Variants in MED27 observed in about 807,000 individuals in gnomAD.
MED27 encodes mediator of RNA polymerase II transcription subunit 27.
A neutral mutation model predicts 38.2 loss-of-function variants in MED27; 30 were observed. That is an observed-to-expected ratio of 0.79 (90% CI 0.59 to 1.07). MED27 has a LOEUF of 1.07. MED27 is among the 50% of genes least tolerant of loss of function. The probability of loss-of-function intolerance (pLI) is 0.00; values close to 1 mark genes in which losing one functional copy is unlikely to be tolerated. For missense variants in MED27, 289 were observed against 397.5 expected, an observed-to-expected ratio of 0.73 and a Z score of 2.32; for synonymous variants, 122 against 153.5, an observed-to-expected ratio of 0.79 and a Z score of 1.52.
At chr9:131,891,998 G>C (rs1339761552) in intron 5 of MED27, among the ~76,000 whole-genome samples, 5 of 152,186 alleles carry the variant, frequency 3.3e-5, no homozygotes, top group Non-Finnish European at 7.3e-5. Flanking sequence ...AAGGAAAAGA[G>C]GAGGGAAACT....
intron 4 of MED27, among the ~76,000 whole-genome samples, chr9:131,897,074 A>T (rs938903587): frequency 3.9e-5 from 6 of 152,252 alleles, no homozygotes; most frequent in Non-Finnish European, 7.3e-5. Flanking sequence ...TATGACAAGT[A>T]TTGTTCCATA....
chr9:131,917,540 T>G lies in MED27; in HGVS notation c.573+21841A>C. On this transcript the variant is annotated intron_variant, in intron 4 of 7. Coordinates refer to ENST00000292035, the MANE Select transcript of MED27 (RefSeq NM_004269.4). The surrounding 1 kb of genome is among the most constrained non-coding windows in gnomAD (Gnocchi z 4.6). ...GAGCAAGGGTTCAGACGACAGGAGA[T>G]GAGAGCAGTGAAGATGGGGTGGGGG... Among the ~76,000 whole-genome samples, 1 of 149,910 alleles carries G rather than the reference T, an allele frequency of 6.7e-6. No individual in the cohort carries two copies. Among genetic ancestry groups the G allele is most frequent in the African/African-American group, 2.5e-5 (1 of 40,680 alleles).
chr9:131,929,354 G>C (rs1363621004), intron 4 of MED27, among the ~76,000 whole-genome samples: 1 of 152,142 alleles, frequency 6.6e-6, no homozygotes, highest in Non-Finnish European at 1.5e-5. Flanking sequence ...AAAAGTAAAA[G>C]GGACTTTGCC....
rs951428962 is a variant in MED27 at position 131,962,527 on chromosome 9, T to C, written c.480-23053A>G. Among the ~76,000 whole-genome samples the C allele has an allele frequency of 8.2e-5, 12 of 145,716 alleles. No homozygotes were observed. In the East Asian group the frequency reaches 2.3e-3, roughly 27 times the overall value. ...ATGCTGGGACTACAGGTGTGAGCCA[T>C]TGTGCCTGGCGTGTGATTTTTTTTT... On this transcript the variant is annotated intron_variant, in intron 3 of 7. Coordinates refer to ENST00000292035, the MANE Select transcript of MED27 (RefSeq NM_004269.4).
chr9:131,948,050 A>G (rs771476575), intron 3 of MED27, among the ~76,000 whole-genome samples: 133 of 152,324 alleles, frequency 8.7e-4, no homozygotes, highest in Admixed American at 1.5e-3. Context: ...CTGAAACTAC[A>G]ACTATCAATC....
At chr9:132,020,869 C>T (rs1589270695) in intron 2 of MED27, among the ~76,000 whole-genome samples, 1 of 152,150 alleles carries the variant, frequency 6.6e-6, no homozygotes, top group East Asian at 1.9e-4. Context: ...GAAAAAAACA[C>T]CTTAGACTTG....
intron 3 of MED27, among the ~76,000 whole-genome samples, chr9:131,981,011 C>CA (rs200777509): frequency 6.6e-6 from 1 of 151,846 alleles, no homozygotes; most frequent in Non-Finnish European, 1.5e-5. Context: ...TTCACACACA[C>CA]AAAAAAAATT....
chr9:132,076,239 T>A (rs1834044393), intron 2 of MED27, among the ~76,000 whole-genome samples: 1 of 151,844 alleles, frequency 6.6e-6, no homozygotes, highest in Non-Finnish European at 1.5e-5. Context: ...AACATTTTAG[T>A]TCCTTGAACC....
intron 3 of MED27, among the ~76,000 whole-genome samples, chr9:131,996,906 A>T (rs1333000704): frequency 1.3e-5 from 2 of 152,210 alleles, no homozygotes; most frequent in Non-Finnish European, 2.9e-5. Flanking sequence ...TATTGTAAGA[A>T]TACAGTATGT....
chr9:131,865,645 G>A (rs553640636), intron 6 of MED27, among the ~76,000 whole-genome samples: 2 of 152,314 alleles, frequency 1.3e-5, no homozygotes, highest in African/African-American at 4.8e-5. Context: ...GTAGCTCCGT[G>A]TGTGACACCT....
At chr9:131,924,392 G>A (rs142180305) in intron 4 of MED27, among the ~76,000 whole-genome samples, 8 of 152,060 alleles carry the variant, frequency 5.3e-5, no homozygotes, top group African/African-American at 1.9e-4. Flanking sequence ...TTGGTGAATT[G>A]TCTGTTTCTT....
chr9:131,904,540 G>A (rs1358408004), intron 4 of MED27, among the ~76,000 whole-genome samples: 2 of 150,820 alleles, frequency 1.3e-5, no homozygotes, highest in South Asian at 4.2e-4. Context: ...AATAGAGATC[G>A]GGGGGGAGCG....
At chr9:131,904,559 A>G (rs1310612615) in intron 4 of MED27, among the ~76,000 whole-genome samples, 1 of 147,978 alleles carries the variant, frequency 6.8e-6, no homozygotes, top group Non-Finnish European at 1.5e-5. Context: ...CGGTCTCACT[A>G]TGTTGCCCAG....
At chr9:131,991,482 A>C (rs1394451721) in intron 3 of MED27, among the ~76,000 whole-genome samples, 1 of 152,182 alleles carries the variant, frequency 6.6e-6, no homozygotes, top group Non-Finnish European at 1.5e-5. Flanking sequence ...TCACTGTAAC[A>C]GGCAAATCTT....
In MED27 at chr9:131,910,820, T is replaced by C. The variant is rs73553008; in HGVS notation, c.574-16828A>G. ...GCTGCCTTGCATAATGTCTGCTCTG[T>C]CCTCCCCTCCTGGACTGGTGCGGAG... On this transcript the variant is annotated intron_variant, in intron 4 of 7. Transcript: ENST00000292035. Among the ~76,000 whole-genome samples the C allele has an allele frequency of 2.7e-3, 406 of 152,296 alleles. 2 individuals carry two copies. Among genetic ancestry groups the C allele is most frequent in the Middle Eastern group, 0.017 (5 of 294 alleles).
At chr9:131,876,719 G>A (rs767606121) in intron 6 of MED27, among the ~76,000 whole-genome samples, 2 of 152,118 alleles carry the variant, frequency 1.3e-5, no homozygotes, top group East Asian at 1.9e-4. Flanking sequence ...CCCTGGGACC[G>A]TCTGCCGCCG....
chr9:131,967,665 AT>A (rs764682963), intron 3 of MED27, among the ~76,000 whole-genome samples: 809 of 122,844 alleles, frequency 6.6e-3, no homozygotes, highest in Middle Eastern at 9.7e-3. Context: ...CTAATTTTGT[AT>A]TTTTTTTTTT....
intron 4 of MED27, among the ~76,000 whole-genome samples, chr9:131,908,959 CAGCCCCTATTCAAGATGG>C (rs1248784422): frequency 6.6e-6 from 1 of 152,076 alleles, no homozygotes; most frequent in African/African-American, 2.4e-5. Flanking sequence ...TTATTTTACC[CAGCCCCTATTCAAGATGG>C]AGTTGCTCTG....
At position 131,972,090 on chromosome 9, in the gene MED27, A is replaced by T. The variant is rs1228760547; in HGVS notation, c.480-32616T>A. On this transcript the variant is annotated intron_variant, in intron 3 of 7. Coordinates refer to ENST00000292035, the MANE Select transcript of MED27 (RefSeq NM_004269.4). Reference sequence around the variant, plus strand: ...TATCCCTCTTAATTCTAGTACAGACAGCTTCTAATCGGATTTGTTGTGATT... The same window carrying T: ...TATCCCTCTTAATTCTAGTACAGACTGCTTCTAATCGGATTTGTTGTGATT... 2.6e-5 allele frequency among the ~76,000 whole-genome samples: 4 copies of T among 152,262 alleles called. No homozygotes were observed. In the East Asian group the frequency reaches 7.7e-4, roughly 29 times the overall value.
Sources: allele counts gnomAD v4.1 joint callset (sites outside exome capture counted in the v4.1 genomes callset), GRCh38; gene constraint gnomAD v4.1.1; non-coding constraint Gnocchi (gnomAD v3.1); transcripts MANE v1.5; gene names NCBI Gene and HGNC (gene_info 2026-07-23, HGNC 2026-07-21).